Variants in XIRP2 observed in about 807,000 individuals in gnomAD.
The protein encoded by XIRP2 is xin actin-binding repeat-containing protein 2.
In XIRP2, 236 loss-of-function variants were observed where a neutral mutation model predicts 277.0. The observed-to-expected ratio is 0.85, with a 90% CI of 0.77 to 0.95. The LOEUF (loss-of-function observed/expected upper bound fraction) is 0.95. XIRP2 is among the 40% of genes least tolerant of loss of function. The pLI is 0.00. For missense variants in XIRP2, 4,640 were observed against 4,157.5 expected, an observed-to-expected ratio of 1.12 and a Z score of -3.19; for synonymous variants, 1,490 against 1,416.5, an observed-to-expected ratio of 1.05 and a Z score of -1.17.
chr2:167,183,921 C>T (rs924479164), intron 3 of XIRP2, among the ~76,000 whole-genome samples: 10 of 152,060 alleles, frequency 6.6e-5, no homozygotes, highest in Non-Finnish European at 1.5e-4. Context: ...AGGCGCTGAC[C>T]GCCTTAATTT....
At chr2:167,033,453 T>C (rs1329799617) in intron 2 of XIRP2, among the ~76,000 whole-genome samples, 2 of 151,956 alleles carry the variant, frequency 1.3e-5, no homozygotes, top group African/African-American at 4.8e-5. Context: ...TTTTTAAAAG[T>C]TTATTCAATG....
chr2:167,182,865 A>G (rs1213763393), intron 3 of XIRP2, among the ~76,000 whole-genome samples: 1 of 152,210 alleles, frequency 6.6e-6, no homozygotes, highest in African/African-American at 2.4e-5. Flanking sequence ...AAGTTTTTAT[A>G]TTAATTAATG....
chr2:167,180,536 A>G (rs959487803), intron 3 of XIRP2, among the ~76,000 whole-genome samples: 1 of 152,032 alleles, frequency 6.6e-6, no homozygotes, highest in Non-Finnish European at 1.5e-5. Flanking sequence ...TTTAGTCTTC[A>G]CTGTTTTCGT....
At chr2:167,022,419 C>T (rs1221130431) in intron 2 of XIRP2, among the ~76,000 whole-genome samples, 1 of 151,980 alleles carries the variant, frequency 6.6e-6, no homozygotes, top group Non-Finnish European at 1.5e-5. Flanking sequence ...CAGAACATAT[C>T]AATTGCATAA....
At position 167,245,103 on chromosome 2, in the gene XIRP2, A is replaced by C. The variant is rs775711730; in HGVS notation, c.3711A>C (p.Leu1237Phe). The C allele has an allele frequency of 6.2e-7, 1 of 1,610,334 alleles. No homozygotes were observed. Among genetic ancestry groups the C allele is most frequent in the Non-Finnish European group, 8.5e-7 (1 of 1,178,980 alleles). The change falls in exon 9 of 11, where the codon TTA becomes TTC. Residue 1237 changes from leucine (L) to phenylalanine (F), a missense_variant. By Grantham distance (22) the Leu-to-Phe change is conservative. Transcript: ENST00000409195. Reference protein sequence around the residue: ...KTEDIQKGNVLNCRWLFENQP... With the variant: ...KTEDIQKGNVFNCRWLFENQP... The stretch of plus-strand genomic sequence containing the variant: ...AAGATATTCAGAAAGGCAATGTTTT[A>C]AATTGTAGGTGGCTTTTTGAAAACC...
In XIRP2 at chr2:166,976,205, A is replaced by C. The variant is rs137950988; in HGVS notation, c.408+72315A>C. Among the ~76,000 whole-genome samples the C allele has an allele frequency of 2.6e-5, 4 of 152,230 alleles. No individual in the cohort carries two copies. In the East Asian group the frequency reaches 7.8e-4, roughly 30 times the overall value. On this transcript the variant is annotated intron_variant, in intron 2 of 10. Transcript: ENST00000409195. ...TTTCTGTTACATAAGCCAAATCAAT[A>C]TCCTGATGCTATCATTGTTCATATC...
At chr2:167,062,041 C>A (rs1312855116) in intron 2 of XIRP2, among the ~76,000 whole-genome samples, 2 of 152,134 alleles carry the variant, frequency 1.3e-5, no homozygotes, top group African/African-American at 2.4e-5. Context: ...CACCCTCGAT[C>A]GCTTGGCCAT....
At chr2:167,123,174 G>A (rs1294639878) in intron 2 of XIRP2, among the ~76,000 whole-genome samples, 1 of 152,140 alleles carries the variant, frequency 6.6e-6, no homozygotes, top group African/African-American at 2.4e-5. Context: ...TGTACCACAT[G>A]TGAGCTTTCC....
At chr2:167,010,616 G>A (rs897302159) in intron 2 of XIRP2, among the ~76,000 whole-genome samples, 2 of 152,104 alleles carry the variant, frequency 1.3e-5, no homozygotes, top group African/African-American at 2.4e-5. Context: ...GAAAGTCATT[G>A]GTAGCTTGAT....
intron 2 of XIRP2, among the ~76,000 whole-genome samples, chr2:166,943,475 G>T (rs1227252481): frequency 6.6e-6 from 1 of 152,138 alleles, no homozygotes; most frequent in African/African-American, 2.4e-5. Flanking sequence ...AAAGTAGTTG[G>T]CATTTAGAGG....
rs1415954412 is a variant in XIRP2, at chr2:167,043,720, C to T, written c.409-92189C>T. Among the ~76,000 whole-genome samples the T allele has an allele frequency of 3.3e-5, 5 of 151,952 alleles. No individual in the cohort carries two copies. In the East Asian group the frequency reaches 7.8e-4, roughly 24 times the overall value. On this transcript the variant is annotated intron_variant, in intron 2 of 10. Transcript: ENST00000409195. ...AATGAAAGAAACTTACCAAAAAAATCCCTGGATCAGATGGATTCACAGCCA... is the reference window on the plus strand; with the variant it reads ...AATGAAAGAAACTTACCAAAAAAATTCCTGGATCAGATGGATTCACAGCCA...
chr2:167,167,928 C>T (rs892630886), intron 3 of XIRP2, among the ~76,000 whole-genome samples: 1 of 152,128 alleles, frequency 6.6e-6, no homozygotes, highest in Admixed American at 6.5e-5. Context: ...CACAATTCTA[C>T]TGGCAACAAA....
At chr2:167,101,428 G>T (rs1558980613) in intron 2 of XIRP2, among the ~76,000 whole-genome samples, 2 of 152,108 alleles carry the variant, frequency 1.3e-5, no homozygotes, top group Non-Finnish European at 1.5e-5. Flanking sequence ...CACCCAAACA[G>T]TATACACTGT....
chr2:167,120,862 T>C (rs1203269976), intron 2 of XIRP2, among the ~76,000 whole-genome samples: 2 of 152,182 alleles, frequency 1.3e-5, no homozygotes, highest in African/African-American at 4.8e-5. Context: ...ACTCGAGAAA[T>C]CTCTGAAGTC....
chr2:167,156,263 G>C (rs1467370614), intron 3 of XIRP2, among the ~76,000 whole-genome samples: 1 of 151,954 alleles, frequency 6.6e-6, no homozygotes, highest in Non-Finnish European at 1.5e-5. Flanking sequence ...AGTTCATATG[G>C]AACCAAAAAA....
At chr2:166,910,862 C>T (rs1385290072) in intron 2 of XIRP2, among the ~76,000 whole-genome samples, 4 of 152,142 alleles carry the variant, frequency 2.6e-5, no homozygotes, top group African/African-American at 7.2e-5. Flanking sequence ...GCCTTCATTT[C>T]GTTATATACC....
intron 1 of XIRP2, among the ~76,000 whole-genome samples, chr2:166,901,408 G>C (rs993322836): frequency 4.6e-5 from 7 of 152,050 alleles, no homozygotes; most frequent in African/African-American, 1.4e-4. Context: ...AGGAGAAATT[G>C]AGAGAAAGAA....
intron 3 of XIRP2, among the ~76,000 whole-genome samples, chr2:167,201,190 GAA>G (rs1231918142): frequency 0.091 from 1,000 of 10,936 alleles, 12 homozygotes; most frequent in Admixed American, 0.2. Context: ...GAGAGAGAGA[GAA>G]AGAAAGAAAG....
chr2:167,085,597 T>C (rs1195840314), intron 2 of XIRP2, among the ~76,000 whole-genome samples: 5 of 152,148 alleles, frequency 3.3e-5, no homozygotes, highest in Non-Finnish European at 5.9e-5. Context: ...TGTAGGTCAC[T>C]CAGGACTTGC....
Sources: allele counts gnomAD v4.1 joint callset (sites outside exome capture counted in the v4.1 genomes callset), GRCh38; gene constraint gnomAD v4.1.1; transcripts MANE v1.5; gene names NCBI Gene and HGNC (gene_info 2026-07-23, HGNC 2026-07-21).